Variants in NAT16 observed in about 807,000 individuals in gnomAD.
The protein encoded by NAT16 is probable N-acetyltransferase 16.
A neutral mutation model predicts 15.9 loss-of-function variants in NAT16; 16 were observed. That is an observed-to-expected ratio of 1.01 (90% CI 0.68 to 1.53). The LOEUF (loss-of-function observed/expected upper bound fraction) is 1.53, where lower values mean the gene tolerates loss of function less well. Ranked by LOEUF, NAT16 falls within the 40% of genes most tolerant of loss-of-function variation. The pLI is 0.00. For missense variants in NAT16, 572 were observed against 508.4 expected (o/e 1.13, Z -1.20); for synonymous variants, 260 against 241.9 (o/e 1.07, Z -0.69).
chr7:101,175,041 G>A (rs957544543), intron 1 of NAT16, among the ~76,000 whole-genome samples: 4 of 152,110 alleles, frequency 2.6e-5, no homozygotes, highest in Non-Finnish European at 4.4e-5. Context: ...TGCAACCTCT[G>A]CCTCCCCGCT....
intron 1 of NAT16, among the ~76,000 whole-genome samples, chr7:101,178,315 C>A (rs1584225480): frequency 6.6e-6 from 1 of 152,094 alleles, no homozygotes; most frequent in East Asian, 1.9e-4. Context: ...ACAAAGGTTC[C>A]CAGGTCCTTA....
chr7:101,171,800 G>T lies in NAT16; in HGVS notation c.*279C>A. 1 of 414,658 alleles carries T rather than the reference G, an allele frequency of 2.4e-6. No homozygotes were observed. The highest frequency in any genetic ancestry group is 4.3e-6 in the Non-Finnish European group (1 of 231,850). The allele number at this position is 414,658 out of a possible 1,614,324, so 25.7% of individuals were successfully genotyped here. On this transcript the variant is annotated 3_prime_UTR_variant, in exon 4 of 4. Coordinates refer to ENST00000300303, the MANE Select transcript of NAT16 (RefSeq NM_198571.3). ...GGGACCAGTTCTTTGGAAAAACAGA[G>T]GGTGGATAACAGCAGCTCAAGGCCC...
rs1797304596 is a variant in NAT16 at position 101,170,876 on chromosome 7, A to T, written c.*1203T>A. The T allele has an allele frequency of 6.6e-6, 1 of 152,300 alleles. No individual in the cohort carries two copies. Among genetic ancestry groups the T allele is most frequent in the South Asian group, 2.1e-4 (1 of 4,832 alleles). 9.4% of individuals were successfully genotyped at this position (152,300 alleles called of 1,614,324 possible). ...GGCTCCTAGCTACTTTGAATGACTT[A>T]GAAGTCACTTTGATCTTTCCCAGCC... is the stretch of plus-strand genomic sequence containing the variant. On this transcript the variant is annotated 3_prime_UTR_variant, in exon 4 of 4. Transcript: ENST00000300303.
At chr7:101,176,356 A>G (rs908007526) in intron 1 of NAT16, among the ~76,000 whole-genome samples, 1 of 152,098 alleles carries the variant, frequency 6.6e-6, no homozygotes, top group African/African-American at 2.4e-5. Flanking sequence ...TTAGCCAAGC[A>G]TGGTGGTGGA....
At position 101,172,303 on chromosome 7, in the gene NAT16, A is replaced by G. The variant is rs1225868464; in HGVS notation, c.886T>C (p.Tyr296His). 3.1e-6 allele frequency: 5 copies of G among 1,611,518 alleles called. No homozygotes were observed. Among genetic ancestry groups the G allele is most frequent in the Non-Finnish European group, 4.2e-6 (5 of 1,179,286 alleles). ...IPHGGDGTWR[Y>H]LNIDAFGSDG... ...CTACCGAAGGCGTCGATGTTGAGAT[A>G]GCGCCAAGTGCCGTCCCCTCCGTGC... The change falls in exon 4 of 4, where the codon TAT becomes CAT. Residue 296 changes from tyrosine to histidine, a missense_variant. Physicochemically the swap from Tyr to His is moderately conservative, Grantham distance 83 (BLOSUM62 2). Transcript: ENST00000300303. The surrounding 1 kb of genome is among the most constrained non-coding windows in gnomAD (Gnocchi z 4.2).
Position 101,173,469 on chromosome 7 carries a change from C to T in NAT16, c.364G>A (p.Glu122Lys). 1 of 1,610,624 alleles carries T rather than the reference C, an allele frequency of 6.2e-7. No homozygotes were observed. The highest frequency in any genetic ancestry group is 8.5e-7 in the Non-Finnish European group (1 of 1,178,168). ...TCCCAGGGCGCCACGCGCAGCCCCT[C>T]CACCAGCACCGTCTCCCCGGCGTCG... ...VIDAGETVLV[E>K]GLRVAPWERG... Residue 122 changes from glutamate (E) to lysine (K), a missense_variant, in exon 3 of 4, where the codon GAG becomes AAG. Transcript: ENST00000300303.
rs1467043323 is a variant in NAT16, at chr7:101,172,677, G to T, written c.538-26C>A. The stretch of plus-strand genomic sequence containing the variant: ...CTGCGGGGGGCACGAGTGAGCGCGG[G>T]GAGGGGGGGCGCAGCAGGGCTGGCG... On this transcript the variant is annotated intron_variant, in intron 3 of 3. Coordinates refer to ENST00000300303, the MANE Select transcript of NAT16 (RefSeq NM_198571.3). This position sits in a 1 kb window ranked among gnomAD's most constrained non-coding sequence, Gnocchi z 4.2. 2.1e-6 allele frequency: 3 copies of T among 1,452,372 alleles called. No homozygotes were observed. Among genetic ancestry groups the T allele is most frequent in the Non-Finnish European group, 2.7e-6 (3 of 1,111,342 alleles). 90.0% of individuals were successfully genotyped at this position (1,452,372 alleles called of 1,614,324 possible).
chr7:101,174,671 G>T lies in NAT16; in HGVS notation c.137C>A (p.Pro46His). ...VEAEPRSGSG[P>H]EAEAEPLDFV... ...GTCCAATGGCTCGGCCTCAGCCTCA[G>T]GCCCCGATCCCGACCTGGGCTCGGC... Residue 46 changes from proline to histidine, a missense_variant, in exon 2 of 4, where the codon CCT becomes CAT. Transcript: ENST00000300303. The T allele has an allele frequency of 6.2e-7, 1 of 1,613,982 alleles. No individual in the cohort carries two copies. The highest frequency in any genetic ancestry group is 8.5e-7 in the Non-Finnish European group (1 of 1,180,012).
rs907905629 is a variant in NAT16, at chr7:101,172,841, C to T, written c.538-190G>A. Among the ~76,000 whole-genome samples the T allele has an allele frequency of 2.6e-5, 4 of 152,186 alleles. No homozygotes were observed. The highest frequency in any genetic ancestry group is 5.9e-5 in the Non-Finnish European group (4 of 68,026). ...AAGCCTGGGTTTCAAGGGTACCAGA[C>T]AGGGACCAGGGGCACGGGCTCCCAG... On this transcript the variant is annotated intron_variant, in intron 3 of 3. Coordinates refer to ENST00000300303, the MANE Select transcript of NAT16 (RefSeq NM_198571.3). This position sits in a 1 kb window ranked among gnomAD's most constrained non-coding sequence, Gnocchi z 4.2.
At chr7:101,176,197 A>T (rs552925088) in intron 1 of NAT16, among the ~76,000 whole-genome samples, 1 of 152,166 alleles carries the variant, frequency 6.6e-6, no homozygotes, top group East Asian at 1.9e-4. Context: ...TACACATTCA[A>T]ATATAAACAA....
At chr7:101,174,193 C>T in intron 2 of NAT16, 1 of 471,980 alleles carries the variant, frequency 2.1e-6, no homozygotes, top group Non-Finnish European at 3.7e-6. Context: ...CCTAGCCTAC[C>T]CTCTCTCTCC....
chr7:101,179,461 G>A (rs1797544043), intron 1 of NAT16, among the ~76,000 whole-genome samples: 5 of 151,726 alleles, frequency 3.3e-5, no homozygotes, highest in Non-Finnish European at 7.4e-5. Context: ...GGGTATGGGG[G>A]GCGGGGATCC....
intron 1 of NAT16, among the ~76,000 whole-genome samples, chr7:101,178,763 TTCCTGTAATCCCAGCTAC>T (rs1344541511): frequency 6.8e-6 from 1 of 147,574 alleles, no homozygotes; most frequent in Non-Finnish European, 1.5e-5. Context: ...TGCTGGCGCA[TTCCTGTAATCCCAGCTAC>T]TCAGGAGGCT....
In NAT16 at chr7:101,171,827, C is replaced by T; in HGVS notation, c.*252G>A. The T allele has an allele frequency of 2.1e-6, 1 of 485,922 alleles. No individual in the cohort carries two copies. Among genetic ancestry groups the T allele is most frequent in the Non-Finnish European group, 3.6e-6 (1 of 276,594 alleles). The allele number at this position is 485,922 out of a possible 1,614,324, so 30.1% of individuals were successfully genotyped here. On this transcript the variant is annotated 3_prime_UTR_variant, in exon 4 of 4. Coordinates refer to ENST00000300303, the MANE Select transcript of NAT16 (RefSeq NM_198571.3). ...GTGGATAACAGCAGCTCAAGGCCCC[C>T]ACCCCCAGCCCCCACCTAATAGTCC...
At position 101,171,803 on chromosome 7, in the gene NAT16, T is replaced by G; in HGVS notation, c.*276A>C. The G allele has an allele frequency of 9.8e-6, 4 of 409,286 alleles. No individual in the cohort carries two copies. Among genetic ancestry groups the G allele is most frequent in the Non-Finnish European group, 1.7e-5 (4 of 228,914 alleles). 25.4% of individuals were successfully genotyped at this position (409,286 alleles called of 1,614,324 possible). On this transcript the variant is annotated 3_prime_UTR_variant, in exon 4 of 4. Transcript: ENST00000300303. ...ACCAGTTCTTTGGAAAAACAGAGGG[T>G]GGATAACAGCAGCTCAAGGCCCCCA...
chr7:101,173,490 C>A lies in NAT16; in HGVS notation c.343G>T (p.Ala115Ser), dbSNP rs1231330505. The change falls in exon 3 of 4, where the codon GCC becomes TCC. Residue 115 changes from alanine (A) to serine (S), a missense_variant. Physicochemically the swap from Ala to Ser is moderately conservative, Grantham distance 99 (BLOSUM62 1). Coordinates refer to ENST00000300303, the MANE Select transcript of NAT16 (RefSeq NM_198571.3). The stretch of plus-strand genomic sequence containing the variant: ...CCCTCCACCAGCACCGTCTCCCCGG[C>A]GTCGATCACGTTCACCGACTCCAGC... The part of the protein sequence containing the change: ...IALESVNVID[A>S]GETVLVEGLR... The A allele has an allele frequency of 1.2e-6, 2 of 1,606,402 alleles. No homozygotes were observed. The highest frequency in any genetic ancestry group is 1.7e-5 in the Admixed American group (1 of 59,686).
chr7:101,177,997 G>A (rs1446766229), intron 1 of NAT16, among the ~76,000 whole-genome samples: 4 of 152,174 alleles, frequency 2.6e-5, no homozygotes, highest in African/African-American at 9.7e-5. Flanking sequence ...CAAGCTAGTG[G>A]TTCAGTGGTG....
chr7:101,176,088 G>A (rs980900116), intron 1 of NAT16, among the ~76,000 whole-genome samples: 3 of 152,104 alleles, frequency 2.0e-5, no homozygotes, highest in South Asian at 2.1e-4. Context: ...GCCACTACCA[G>A]CTACAATCCC....
rs963823193 is a variant in NAT16, at chr7:101,172,776, G to A, written c.538-125C>T. The A allele has an allele frequency of 4.7e-4, 368 of 786,938 alleles. No homozygotes were observed. Among genetic ancestry groups the A allele is most frequent in the Non-Finnish European group, 6.6e-4 (350 of 526,480 alleles). The allele number at this position is 786,938 out of a possible 1,614,324, so 48.7% of individuals were successfully genotyped here. ...GGGCTCCCACCTGGGTCCCTCTGGA[G>A]GAGCGACCGTGAGGGCTCCGGGCCG... On this transcript the variant is annotated intron_variant, in intron 3 of 3. Transcript: ENST00000300303. This position sits in a 1 kb window ranked among gnomAD's most constrained non-coding sequence, Gnocchi z 4.2.
Sources: gnomAD v4.1 joint callset for allele counts (sites outside exome capture counted in the v4.1 genomes callset) on GRCh38, gnomAD v4.1.1 for gene constraint, Gnocchi (gnomAD v3.1) non-coding constraint, MANE v1.5 for transcripts, NCBI Gene and HGNC (gene_info 2026-07-23, HGNC 2026-07-21) for gene names.